FER: variants seen among roughly 807,000 people sequenced by gnomAD.
The protein encoded by FER is FER tyrosine kinase, also known as tyrosine-protein kinase Fer.
FER carries 63 observed loss-of-function variants against 111.0 expected under a neutral mutation model. The ratio of observed to expected loss-of-function variants is 0.57; its 90% CI spans 0.46 to 0.70. The LOEUF is 0.70. FER is among the 30% of genes least tolerant of loss of function. The pLI is 0.00. For missense variants in FER, 914 were observed against 954.0 expected, an observed-to-expected ratio of 0.96 and a Z score of 0.55; for synonymous variants, 327 against 313.9, an observed-to-expected ratio of 1.04 and a Z score of -0.44.
At chr5:109,176,057 G>A (rs1440899802) in intron 17 of FER, among the ~76,000 whole-genome samples, 1 of 152,140 alleles carries the variant, frequency 6.6e-6, no homozygotes, top group African/African-American at 2.4e-5. Context: ...TACACTGTTG[G>A]TGAGAATGTA....
intron 10 of FER, among the ~76,000 whole-genome samples, chr5:108,929,076 C>T (rs1315158122): frequency 6.6e-6 from 1 of 151,928 alleles, no homozygotes; most frequent in African/African-American, 2.4e-5. Flanking sequence ...GTAAATAACC[C>T]TGAGGGGACT....
intron 16 of FER, among the ~76,000 whole-genome samples, chr5:109,054,940 A>G (rs1019159179): frequency 2.6e-5 from 4 of 152,110 alleles, no homozygotes; most frequent in South Asian, 4.1e-4. Flanking sequence ...TTTTCTGTCA[A>G]TCCTTTTGTC....
At chr5:109,013,852 ATG>A (rs1342836186) in intron 13 of FER, among the ~76,000 whole-genome samples, 2 of 150,728 alleles carry the variant, frequency 1.3e-5, no homozygotes, top group Non-Finnish European at 3.0e-5. Flanking sequence ...GCATTTTTTC[ATG>A]TGTTTTTTGG....
intron 1 of FER, chr5:108,748,385 C>G (rs1271706936): frequency 6.6e-6 from 1 of 152,344 alleles, no homozygotes; most frequent in Non-Finnish European, 1.5e-5. Context: ...CCTCCGCCCC[C>G]ACTCTCCGAA....
intron 3 of FER, among the ~76,000 whole-genome samples, chr5:108,828,578 T>C (rs1759713662): frequency 6.6e-6 from 1 of 152,222 alleles, no homozygotes; most frequent in South Asian, 2.1e-4. Context: ...CAGTGTTTTT[T>C]CCTGATTGTA....
chr5:109,054,560 C>G (rs1370517046), intron 16 of FER, among the ~76,000 whole-genome samples: 2 of 152,130 alleles, frequency 1.3e-5, no homozygotes, highest in Non-Finnish European at 2.9e-5. Flanking sequence ...TTTTCATTCT[C>G]TTAACAGTGT....
intron 3 of FER, chr5:108,830,848 G>A (rs965290719): frequency 2.6e-5 from 4 of 152,248 alleles, no homozygotes; most frequent in African/African-American, 9.7e-5. Context: ...GTGAGATAGA[G>A]CCAGGCTTTT....
chr5:109,087,495 ATGTT>A (rs1209469546), intron 16 of FER, among the ~76,000 whole-genome samples: 1 of 151,712 alleles, frequency 6.6e-6, no homozygotes, highest in Non-Finnish European at 1.5e-5. Flanking sequence ...CACTGATTAT[ATGTT>A]TGTCTTTTTA....
intron 3 of FER, among the ~76,000 whole-genome samples, chr5:108,804,209 G>A (rs1026202673): frequency 3.3e-5 from 5 of 152,250 alleles, no homozygotes; most frequent in African/African-American, 9.6e-5. Context: ...TACTGAAGTC[G>A]TTTATCAGTT....
intron 13 of FER, among the ~76,000 whole-genome samples, chr5:109,027,879 T>G (rs1581708999): frequency 2.0e-5 from 3 of 152,220 alleles, no homozygotes; most frequent in Admixed American, 2.0e-4. Flanking sequence ...TAGATTTTAT[T>G]TTCAGTTATT....
intron 17 of FER, among the ~76,000 whole-genome samples, chr5:109,150,370 T>C (rs891683164): frequency 3.3e-5 from 5 of 152,128 alleles, no homozygotes; most frequent in African/African-American, 7.2e-5. Flanking sequence ...CATCTCACTT[T>C]GTTATTTCCT....
At chr5:109,081,817 T>G (rs1048560574) in intron 16 of FER, among the ~76,000 whole-genome samples, 5 of 152,038 alleles carry the variant, frequency 3.3e-5, no homozygotes, top group African/African-American at 1.2e-4. Context: ...CCTAAAGTAT[T>G]TATTACTTTA....
intron 16 of FER, among the ~76,000 whole-genome samples, chr5:109,094,962 G>A (rs1449720621): frequency 2.0e-5 from 3 of 152,166 alleles, no homozygotes; most frequent in Admixed American, 6.6e-5. Context: ...TGTCTGGCAA[G>A]AGTATAGCTG....
At chr5:108,822,769 T>TTTATTTTATTTTATG (rs1561470185) in intron 3 of FER, among the ~76,000 whole-genome samples, 4 of 101,784 alleles carry the variant, frequency 3.9e-5, no homozygotes, top group East Asian at 4.3e-4. Context: ...TTTTATTTAT[T>TTTATTTTATTTTATG]TTATTTTATG....
chr5:108,830,733 C>G (rs1310672940), intron 3 of FER: 1 of 152,124 alleles, frequency 6.6e-6, no homozygotes, highest in Non-Finnish European at 1.5e-5. Context: ...ATCTGAAAGA[C>G]TTGCTGATGC....
intron 3 of FER, among the ~76,000 whole-genome samples, chr5:108,807,040 G>A (rs533595843): frequency 1.3e-3 from 199 of 152,222 alleles, no homozygotes; most frequent in African/African-American, 4.3e-3. Flanking sequence ...GTTGTGGGAG[G>A]AACCCCGTGG....
intron 13 of FER, among the ~76,000 whole-genome samples, chr5:108,966,084 T>C (rs952543348): frequency 1.7e-4 from 26 of 152,324 alleles, no homozygotes; most frequent in African/African-American, 6.3e-4. Context: ...AAACCACTGA[T>C]GTTCCATAAA....
intron 10 of FER, among the ~76,000 whole-genome samples, chr5:108,935,076 C>A (rs958772107): frequency 6.6e-6 from 1 of 152,002 alleles, no homozygotes; most frequent in African/African-American, 2.4e-5. Flanking sequence ...GTAGCTGCTG[C>A]TTATAAGGTA....
chr5:109,086,838 T>C (rs2150033558), intron 16 of FER, among the ~76,000 whole-genome samples: 1 of 151,392 alleles, frequency 6.6e-6, no homozygotes, highest in Non-Finnish European at 1.5e-5. Context: ...TTTTTTCCCA[T>C]AATTTTAGAA....
Sources: allele counts gnomAD v4.1 joint callset (sites outside exome capture counted in the v4.1 genomes callset), GRCh38; gene constraint gnomAD v4.1.1; transcripts MANE v1.5; gene names NCBI Gene and HGNC (gene_info 2026-07-23, HGNC 2026-07-21).